LRRC37A2: variants seen among roughly 807,000 people sequenced by gnomAD.
LRRC37A2 encodes the protein leucine rich repeat containing 37 member A2.
A neutral mutation model predicts 68.8 loss-of-function variants in LRRC37A2; 9 were observed. The observed-to-expected ratio is 0.13, with a 90% CI of 0.08 to 0.23. LRRC37A2 has a LOEUF of 0.23. Ranked by LOEUF, LRRC37A2 falls within the 10% of genes least tolerant of loss-of-function variation. LRRC37A2 has a pLI of 1.00. For missense variants in LRRC37A2, 168 were observed against 950.4 expected (o/e 0.18, Z 10.82); for synonymous variants, 63 against 367.6 (o/e 0.17, Z 9.48).
chr17:46,690,568 C>T, the LRRC37A2 span, among the ~76,000 whole-genome samples: 1 of 97,108 alleles, frequency 1.0e-5, no homozygotes, highest in Non-Finnish European at 2.0e-5. Flanking sequence ...GCCAAGATCA[C>T]GCCACTGCAC....
chr17:46,933,659 T>A, the LRRC37A2 span: 1 of 141,740 alleles, frequency 7.1e-6, no homozygotes. Flanking sequence ...CAATTGAAAC[T>A]GGAATTTAGG....
the LRRC37A2 span, among the ~76,000 whole-genome samples, chr17:46,805,055 C>G: frequency 6.6e-6 from 1 of 151,974 alleles, no homozygotes; most frequent in South Asian, 2.1e-4. Flanking sequence ...TAACACTCAC[C>G]GCAAAGGTAC....
the LRRC37A2 span, among the ~76,000 whole-genome samples, chr17:46,712,112 G>A: frequency 7.4e-4 from 112 of 152,306 alleles, no homozygotes; most frequent in African/African-American, 2.4e-3. Flanking sequence ...AGAGACTAAT[G>A]GTTAGAAGCA....
chr17:46,842,028 G>A, the LRRC37A2 span, among the ~76,000 whole-genome samples: 1 of 152,174 alleles, frequency 6.6e-6, no homozygotes, highest in Non-Finnish European at 1.5e-5. Flanking sequence ...TGGCGCCCTC[G>A]GCGGGGCCTG....
At chr17:46,933,840 T>C in the LRRC37A2 span, among the ~76,000 whole-genome samples, 1 of 151,696 alleles carries the variant, frequency 6.6e-6, no homozygotes, top group African/African-American at 2.4e-5. Flanking sequence ...GGCGTGAGCC[T>C]GTGGTCCCAA....
chr17:46,893,473 G>A, the LRRC37A2 span, among the ~76,000 whole-genome samples: 1 of 152,068 alleles, frequency 6.6e-6, no homozygotes, highest in Non-Finnish European at 1.5e-5. Context: ...CTTTTTATCT[G>A]TCTTTGCCCA....
At chr17:46,389,748 CTT>C in the LRRC37A2 span, among the ~76,000 whole-genome samples, 5 of 89,822 alleles carry the variant, frequency 5.6e-5, no homozygotes, top group Admixed American at 2.3e-4. Context: ...ATTTAGAAGA[CTT>C]AATATAATTA....
the LRRC37A2 span, chr17:46,885,433 G>T: frequency 6.2e-6 from 1 of 161,214 alleles, no homozygotes; most frequent in South Asian, 1.6e-4. Context: ...CTCCCAAGTA[G>T]CTGGGACTAC....
At chr17:46,788,295 T>G in the LRRC37A2 span, among the ~76,000 whole-genome samples, 2 of 152,164 alleles carry the variant, frequency 1.3e-5, no homozygotes, top group African/African-American at 4.8e-5. Flanking sequence ...ATTTCTCCCC[T>G]TCCTGACCCC....
At chr17:46,805,873 G>A in the LRRC37A2 span, among the ~76,000 whole-genome samples, 3 of 152,216 alleles carry the variant, frequency 2.0e-5, no homozygotes, top group African/African-American at 7.2e-5. Flanking sequence ...GTGTGGTGTG[G>A]TGTCACTGAA....
At chr17:46,500,864 C>T in the LRRC37A2 span, among the ~76,000 whole-genome samples, 1 of 150,942 alleles carries the variant, frequency 6.6e-6, no homozygotes, top group Non-Finnish European at 1.5e-5. Flanking sequence ...CCCCAAACAG[C>T]ACAACCTGGG....
chr17:46,888,605 A>T, the LRRC37A2 span, among the ~76,000 whole-genome samples: 1 of 152,116 alleles, frequency 6.6e-6, no homozygotes. Context: ...TGGCCCACTA[A>T]GGGGGGTTCT....
the LRRC37A2 span, among the ~76,000 whole-genome samples, chr17:46,858,132 G>T: frequency 6.6e-6 from 1 of 152,186 alleles, no homozygotes; most frequent in Non-Finnish European, 1.5e-5. Context: ...GTTTCATCAT[G>T]TTGGCCTGGC....
chr17:47,029,025 A>C, the LRRC37A2 span, among the ~76,000 whole-genome samples: 1 of 152,100 alleles, frequency 6.6e-6, no homozygotes, highest in African/African-American at 2.4e-5. Context: ...CTAAAAATAC[A>C]AAAATTAGCA....
the LRRC37A2 span, among the ~76,000 whole-genome samples, chr17:46,606,120 A>G: frequency 1.6e-5 from 1 of 61,260 alleles, no homozygotes; most frequent in Non-Finnish European, 2.8e-5. Flanking sequence ...CAGAGGTTGC[A>G]GTGAGCCGAA....
the LRRC37A2 span, chr17:46,936,783 A>G: frequency 1.0e-6 from 1 of 983,266 alleles, no homozygotes; most frequent in Non-Finnish European, 1.2e-6. Context: ...ATCTCGGGGA[A>G]AAAAAAATAC....
chr17:46,823,107 AC>A, the LRRC37A2 span, among the ~76,000 whole-genome samples: 1 of 127,160 alleles, frequency 7.9e-6, no homozygotes, highest in African/African-American at 3.1e-5. Flanking sequence ...TATAATAAAC[AC>A]ATATATTATA....
the LRRC37A2 span, among the ~76,000 whole-genome samples, chr17:46,921,789 T>C: frequency 6.6e-6 from 1 of 152,092 alleles, no homozygotes; most frequent in Non-Finnish European, 1.5e-5. Flanking sequence ...TGAGATACCA[T>C]CTCACACCAG....
the LRRC37A2 span, among the ~76,000 whole-genome samples, chr17:46,745,855 A>G: frequency 6.6e-6 from 1 of 152,222 alleles, no homozygotes; most frequent in African/African-American, 2.4e-5. Flanking sequence ...GTAAAAATGT[A>G]TGTCTTTACT....
Sources: gnomAD v4.1 joint callset for allele counts (sites outside exome capture counted in the v4.1 genomes callset) on GRCh38, gnomAD v4.1.1 for gene constraint, MANE v1.5 for transcripts, NCBI Gene and HGNC (gene_info 2026-07-23, HGNC 2026-07-21) for gene names.